The following FAM124A variants were observed in gnomAD, a reference collection of about 807,000 sequenced individuals.
FAM124A encodes family with sequence similarity 124 member A, also known as protein FAM124A.
A neutral mutation model predicts 24.5 loss-of-function variants in FAM124A; 23 were observed. That is an observed-to-expected ratio of 0.94 (90% CI 0.68 to 1.33). FAM124A has a LOEUF of 1.33. Ranked by LOEUF, FAM124A falls within the 40% of genes most tolerant of loss-of-function variation. FAM124A has a pLI of 0.00. For missense variants in FAM124A, 623 were observed against 722.8 expected (o/e 0.86, Z 1.58); for synonymous variants, 287 against 314.7 (o/e 0.91, Z 0.93).
chr13:51,257,611 G>A (rs1374073644), intron 3 of FAM124A, among the ~76,000 whole-genome samples: 2 of 150,764 alleles, frequency 1.3e-5, no homozygotes, highest in East Asian at 3.9e-4. Flanking sequence ...CAAGGCCTAC[G>A]GCTCTCTGGC....
rs866982782 is a variant in FAM124A, at chr13:51,272,566, T to C, written c.835-7884T>C. 9.4e-5 allele frequency among the ~76,000 whole-genome samples: 14 copies of C among 148,858 alleles called. No homozygotes were observed. Among genetic ancestry groups the C allele is most frequent in the African/African-American group, 2.7e-4 (11 of 40,072 alleles). The stretch of plus-strand genomic sequence containing the variant: ...ACCTATTTTTGTAAATAAAGCCTTA[T>C]ACACACACACACACACACACACACA... On this transcript the variant is annotated intron_variant, in intron 3 of 3. Transcript: ENST00000322475. The surrounding 1 kb of genome is among the most constrained non-coding windows in gnomAD (Gnocchi z 4.2).
chr13:51,247,820 G>T (rs1324295396), intron 2 of FAM124A, among the ~76,000 whole-genome samples: 1 of 152,172 alleles, frequency 6.6e-6, no homozygotes, highest in African/African-American at 2.4e-5. Context: ...TTTTACTGGA[G>T]TTACTCACTG....
Position 51,251,039 on chromosome 13 carries a change from G to A in FAM124A, c.101-429G>A, listed in dbSNP as rs1954614552. 6.6e-6 allele frequency among the ~76,000 whole-genome samples: 1 copy of A among 151,766 alleles called. No individual in the cohort carries two copies. The highest frequency in any genetic ancestry group is 2.1e-4 in the South Asian group (1 of 4,812). ...TGCGTTTGTGTAGGGAACATGTATG[G>A]GGCAAGGCCCTGCAGCTATTTCAGG... On this transcript the variant is annotated intron_variant, in intron 2 of 3. Coordinates refer to ENST00000322475, the MANE Select transcript of FAM124A (RefSeq NM_001242312.2). This position sits in a 1 kb window ranked among gnomAD's most constrained non-coding sequence, Gnocchi z 5.3.
Position 51,275,489 on chromosome 13 carries a change from A to G in FAM124A, c.835-4961A>G, listed in dbSNP as rs1317906815. Among the ~76,000 whole-genome samples, 3 of 152,236 alleles carry G rather than the reference A, an allele frequency of 2.0e-5. No homozygotes were observed. The East Asian group carries it at 5.8e-4, about 29-fold the overall frequency. Reference sequence around the variant, plus strand: ...ATCAAAAGATACCAATAAGAGAACAAAAAGGTAAGCCACAAACTGGCTGAT... The same window carrying G: ...ATCAAAAGATACCAATAAGAGAACAGAAAGGTAAGCCACAAACTGGCTGAT... On this transcript the variant is annotated intron_variant, in intron 3 of 3. Coordinates refer to ENST00000322475, the MANE Select transcript of FAM124A (RefSeq NM_001242312.2).
intron 3 of FAM124A, among the ~76,000 whole-genome samples, chr13:51,257,850 C>T (rs573195744): frequency 2.0e-4 from 30 of 152,306 alleles, no homozygotes; most frequent in Middle Eastern, 6.8e-3. Flanking sequence ...CAATCCTCAG[C>T]GCTCTGGTTT....
At chr13:51,266,434 G>T (rs10492520) in intron 3 of FAM124A, among the ~76,000 whole-genome samples, 3,408 of 152,246 alleles carry the variant, frequency 0.022, 134 homozygotes, top group East Asian at 0.17. Flanking sequence ...AGTTCAGTTA[G>T]CAGGGACTCA....
chr13:51,238,051 A>G (rs1411583235), intron 2 of FAM124A, among the ~76,000 whole-genome samples: 1 of 152,204 alleles, frequency 6.6e-6, no homozygotes, highest in Non-Finnish European at 1.5e-5. Context: ...CTAATAGGCC[A>G]CAGGCCTGGG....
At position 51,281,153 on chromosome 13, in the gene FAM124A, T is replaced by A; in HGVS notation, c.1538T>A (p.Leu513His). 9.9e-6 allele frequency: 16 copies of A among 1,613,650 alleles called. No homozygotes were observed. The highest frequency in any genetic ancestry group is 1.4e-5 in the Non-Finnish European group (16 of 1,179,974). ...ACCCTCACAGACTCCTCCCCACAGC[T>A]CCCATGCGATACCCCCAAAGTCAAG... ...TSTLTDSSPQ[L>H]PCDTPKVKQT... is the part of the protein sequence containing the mutation. The change falls in exon 4 of 4, where the codon CTC becomes CAC. Residue 513 changes from leucine to histidine, a missense_variant. Physicochemically the swap from Leu to His is moderately conservative, Grantham distance 99. Coordinates refer to ENST00000322475, the MANE Select transcript of FAM124A (RefSeq NM_001242312.2).
chr13:51,258,472 C>T lies in FAM124A; in HGVS notation c.834+6271C>T, dbSNP rs1954697957. On this transcript the variant is annotated intron_variant, in intron 3 of 3. Transcript: ENST00000322475. This position sits in a 1 kb window ranked among gnomAD's most constrained non-coding sequence, Gnocchi z 4.2. ...GGGCCATCTGGGATCTCTCGTGGGT[C>T]TCCGAACCCTCTTCAGACTCTAATG... Among the ~76,000 whole-genome samples, 1 of 152,126 alleles carries T rather than the reference C, an allele frequency of 6.6e-6. No individual in the cohort carries two copies. Among genetic ancestry groups the T allele is most frequent in the South Asian group, 2.1e-4 (1 of 4,818 alleles).
rs1954940739 is a variant in FAM124A at position 51,281,628 on chromosome 13, T to A, written c.*372T>A. The A allele has an allele frequency of 5.8e-6, 1 of 173,276 alleles. No homozygotes were observed. The highest frequency in any genetic ancestry group is 1.7e-4 in the South Asian group (1 of 5,738). The allele number at this position is 173,276 out of a possible 1,614,324, so 10.7% of individuals were successfully genotyped here. A position where few individuals can be genotyped will look rare whatever the true frequency, so the allele number is the denominator to read the frequency against. On this transcript the variant is annotated 3_prime_UTR_variant, in exon 4 of 4. Coordinates refer to ENST00000322475, the MANE Select transcript of FAM124A (RefSeq NM_001242312.2). ...AATTTTTCCATGGTATGAAGGCAAA[T>A]CAATTAAGGCCAAAACGTTGAATGT... is the stretch of plus-strand genomic sequence containing the variant.
In FAM124A at chr13:51,222,425, C is replaced by G; in HGVS notation, c.-77C>G. The G allele has an allele frequency of 8.7e-7, 1 of 1,144,402 alleles. No individual in the cohort carries two copies. The highest frequency in any genetic ancestry group is 1.1e-6 in the Non-Finnish European group (1 of 926,066). The allele number at this position is 1,144,402 out of a possible 1,614,324, so 70.9% of individuals were successfully genotyped here. A position where few individuals can be genotyped will look rare whatever the true frequency, so the allele number is the denominator to read the frequency against. On this transcript the variant is annotated 5_prime_UTR_variant, in exon 1 of 4. Coordinates refer to ENST00000322475, the MANE Select transcript of FAM124A (RefSeq NM_001242312.2). ...ACGCTCGGAGGGAGCCCGGCCGGCT[C>G]GGACTGGGCGGCCGGGAGGGAGGGC... is the stretch of plus-strand genomic sequence containing the variant.
chr13:51,236,089 C>G (rs1954432433), intron 2 of FAM124A, among the ~76,000 whole-genome samples: 1 of 152,214 alleles, frequency 6.6e-6, no homozygotes, highest in Non-Finnish European at 1.5e-5. Flanking sequence ...CTACTGCTTT[C>G]CTGGGGTTGC....
chr13:51,228,390 A>G (rs1053424691), intron 1 of FAM124A, among the ~76,000 whole-genome samples: 3 of 152,166 alleles, frequency 2.0e-5, no homozygotes, highest in African/African-American at 7.2e-5. Context: ...ATAGTAAATA[A>G]TATTTGGAAA....
intron 3 of FAM124A, among the ~76,000 whole-genome samples, chr13:51,260,693 A>T (rs1275578606): frequency 6.6e-6 from 1 of 152,168 alleles, no homozygotes; most frequent in South Asian, 2.1e-4. Context: ...GAGTGGATGG[A>T]GGCACAGCCA....
In FAM124A at chr13:51,280,651, C is replaced by G. The variant is rs201443401; in HGVS notation, c.1036C>G (p.Arg346Gly). Residue 346 changes from arginine (R) to glycine (G), a missense_variant, in exon 4 of 4, where the codon CGA (arginine) becomes GGA (glycine). Coordinates refer to ENST00000322475, the MANE Select transcript of FAM124A (RefSeq NM_001242312.2). ...TGGGCACCAGCAGGAATTTGCCGGACGAGCCAACAGCACCCCCAACCCTCC... is the reference window on the plus strand; with the variant it reads ...TGGGCACCAGCAGGAATTTGCCGGAGGAGCCAACAGCACCCCCAACCCTCC... The part of the protein sequence containing the change: ...PPGHQQEFAG[R>G]ANSTPNPPWS... The G allele has an allele frequency of 1.2e-6, 2 of 1,613,986 alleles. No homozygotes were observed. Among genetic ancestry groups the G allele is most frequent in the East Asian group, 2.2e-5 (1 of 44,866 alleles).
chr13:51,271,767 G>A lies in FAM124A; in HGVS notation c.835-8683G>A, dbSNP rs117755555. On this transcript the variant is annotated intron_variant, in intron 3 of 3. Coordinates refer to ENST00000322475, the MANE Select transcript of FAM124A (RefSeq NM_001242312.2). Reference sequence around the variant, plus strand: ...TGCCAGTATCTTTCCTGGCAAATACGTGTGTTCACTGATTCTAATGACGGT... The same window carrying A: ...TGCCAGTATCTTTCCTGGCAAATACATGTGTTCACTGATTCTAATGACGGT... Among the ~76,000 whole-genome samples, 54 of 152,230 alleles carry A rather than the reference G, an allele frequency of 3.5e-4. 1 individual carries two copies. In the East Asian group the frequency reaches 8.7e-3, roughly 24 times the overall value.
At chr13:51,278,490 G>A (rs35077848) in intron 3 of FAM124A, among the ~76,000 whole-genome samples, 5 of 152,142 alleles carry the variant, frequency 3.3e-5, no homozygotes, top group Non-Finnish European at 5.9e-5. Context: ...CACCAGATCC[G>A]CCCATATGCA....
intron 3 of FAM124A, among the ~76,000 whole-genome samples, chr13:51,262,022 A>G (rs1954743544): frequency 6.6e-6 from 1 of 152,224 alleles, no homozygotes; most frequent in Non-Finnish European, 1.5e-5. Context: ...GCCACGGCAT[A>G]GGGAAGTGGG....
In FAM124A at chr13:51,233,262, G is replaced by A. The variant is rs117781231; in HGVS notation, c.100+1883G>A. ...GCTTTTGGCTTCCTTCCTCAAGCTT[G>A]TCTCAGAGTTATAACATGGCTGCCT... On this transcript the variant is annotated intron_variant, in intron 2 of 3. Coordinates refer to ENST00000322475, the MANE Select transcript of FAM124A (RefSeq NM_001242312.2). Among the ~76,000 whole-genome samples, 92 of 152,092 alleles carry A rather than the reference G, an allele frequency of 6.0e-4. No individual in the cohort carries two copies. The East Asian group carries it at 0.016, about 27-fold the overall frequency.
Sources: allele counts gnomAD v4.1 joint callset (sites outside exome capture counted in the v4.1 genomes callset), GRCh38; gene constraint gnomAD v4.1.1; non-coding constraint Gnocchi (gnomAD v3.1); transcripts MANE v1.5; gene names NCBI Gene and HGNC (gene_info 2026-07-23, HGNC 2026-07-21).